SKAP2: variants seen among roughly 807,000 people sequenced by gnomAD.
SKAP2 encodes the protein src kinase associated phosphoprotein 2, also known as src kinase-associated phosphoprotein 2.
A neutral mutation model predicts 54.9 loss-of-function variants in SKAP2; 28 were observed. The ratio of observed to expected loss-of-function variants is 0.51; its 90% CI spans 0.38 to 0.70. SKAP2 has a LOEUF of 0.70. Among genes scored for constraint, SKAP2 ranks in the 30% least tolerant of loss-of-function variants. SKAP2 has a pLI of 0.00. For synonymous variants in SKAP2, 137 were observed against 134.3 expected (o/e 1.02, Z -0.14); for missense variants, 356 against 424.1 (o/e 0.84, Z 1.41).
chr7:26,730,656 T>A (rs1357722969), intron 6 of SKAP2, among the ~76,000 whole-genome samples: 1 of 152,192 alleles, frequency 6.6e-6, no homozygotes, highest in African/African-American at 2.4e-5. Flanking sequence ...GCTGTTTGAA[T>A]GTAATGTCTA....
intron 1 of SKAP2, among the ~76,000 whole-genome samples, chr7:26,864,055 T>TCACACACATACA (rs1554310127): frequency 7.0e-6 from 1 of 143,332 alleles, no homozygotes; most frequent in South Asian, 2.3e-4. Context: ...CGCCCTTCTG[T>TCACACACATACA]CACACACACA....
At chr7:26,773,051 T>C (rs1197630820) in intron 4 of SKAP2, among the ~76,000 whole-genome samples, 1 of 152,140 alleles carries the variant, frequency 6.6e-6, no homozygotes, top group Non-Finnish European at 1.5e-5. Context: ...AAGATGAAGA[T>C]GATATTTTCC....
intron 11 of SKAP2, among the ~76,000 whole-genome samples, chr7:26,678,696 C>A (rs1786414637): frequency 1.3e-5 from 2 of 152,118 alleles, no homozygotes. Flanking sequence ...CTGCCTCGGC[C>A]TCCCAAAGTG....
rs1784875116 is a variant in SKAP2, at chr7:26,844,124, A to G, written c.213T>C (p.Asp71=). ...CAAAAGGGTCATCATATTCTTCCCC[A>G]TCTTCTGCATCACCTGTTAAAAAAA... The part of the protein sequence containing the change: ...QEFQDKGDAE[D]GEEYDDPFAG... Residue 71 remains aspartate, a synonymous_variant, in exon 4 of 13, where the codon GAT becomes GAC. Transcript: ENST00000345317. 1 of 1,600,878 alleles carries G rather than the reference A, an allele frequency of 6.2e-7. No homozygotes were observed. The highest frequency in any genetic ancestry group is 8.5e-7 in the Non-Finnish European group (1 of 1,170,376).
At chr7:26,719,203 T>C (rs745701506) in intron 9 of SKAP2, among the ~76,000 whole-genome samples, 6 of 151,932 alleles carry the variant, frequency 3.9e-5, no homozygotes, top group Non-Finnish European at 7.4e-5. Flanking sequence ...ATCTAAGATT[T>C]AGCAATAATG....
chr7:26,655,061 T>C, the SKAP2 span, among the ~76,000 whole-genome samples: 1 of 152,168 alleles, frequency 6.6e-6, no homozygotes, highest in East Asian at 1.9e-4. Context: ...ATCCTGTGCC[T>C]ACTATTGCTC....
In SKAP2 at chr7:26,710,327, T is replaced by C. The variant is rs533236493; in HGVS notation, c.796+15101A>G. Among the ~76,000 whole-genome samples, 70 of 152,274 alleles carry C rather than the reference T, an allele frequency of 4.6e-4. 1 individual carries two copies. In the South Asian group the frequency reaches 0.014, roughly 31 times the overall value. ...GTTAAGATTTACAGAATAGCACATA[T>C]CAACATTTAAAATGTCACGAAGTTG... is the stretch of plus-strand genomic sequence containing the variant. On this transcript the variant is annotated intron_variant, in intron 9 of 12. Coordinates refer to ENST00000345317, the MANE Select transcript of SKAP2 (RefSeq NM_003930.5).
At chr7:26,785,331 C>CAT (rs1432777533) in intron 4 of SKAP2, among the ~76,000 whole-genome samples, 1 of 152,022 alleles carries the variant, frequency 6.6e-6, no homozygotes, top group Non-Finnish European at 1.5e-5. Context: ...GGACTACAGG[C>CAT]GCCCGCCACC....
chr7:26,752,125 G>C (rs1782699456), intron 4 of SKAP2, among the ~76,000 whole-genome samples: 1 of 152,102 alleles, frequency 6.6e-6, no homozygotes, highest in Non-Finnish European at 1.5e-5. Context: ...GAACTACAAA[G>C]TCATTTACAC....
intron 3 of SKAP2, among the ~76,000 whole-genome samples, chr7:26,850,437 C>G (rs1352009489): frequency 2.0e-5 from 3 of 151,714 alleles, no homozygotes; most frequent in Non-Finnish European, 4.4e-5. Context: ...AATACACAGG[C>G]AGCGTACCTA....
intron 6 of SKAP2, among the ~76,000 whole-genome samples, chr7:26,735,769 A>G (rs893411954): frequency 2.0e-5 from 3 of 152,208 alleles, no homozygotes; most frequent in Non-Finnish European, 4.4e-5. Flanking sequence ...ATTTCACAAA[A>G]GAAAAAAATT....
chr7:26,699,188 C>G (rs1786967995), intron 9 of SKAP2, among the ~76,000 whole-genome samples: 2 of 152,176 alleles, frequency 1.3e-5, no homozygotes, highest in Non-Finnish European at 2.9e-5. Context: ...CTTGTCGCGT[C>G]TGGGTACAAT....
At chr7:26,750,122 C>T (rs1174999502) in intron 4 of SKAP2, among the ~76,000 whole-genome samples, 1 of 151,984 alleles carries the variant, frequency 6.6e-6, no homozygotes, top group Non-Finnish European at 1.5e-5. Context: ...ATGCTATGTT[C>T]CACTGCTGAT....
At chr7:26,664,755 A>C (rs2128081967), downstream of SKAP2, among the ~76,000 whole-genome samples, 1 of 151,544 alleles carries the variant, frequency 6.6e-6, no homozygotes, top group Non-Finnish European at 1.5e-5. Context: ...AAGAGGAGAG[A>C]AACCTAGGGA....
intron 4 of SKAP2, among the ~76,000 whole-genome samples, chr7:26,765,043 A>G (rs1301755160): frequency 1.3e-5 from 2 of 152,204 alleles, no homozygotes; most frequent in Non-Finnish European, 2.9e-5. Flanking sequence ...TAGATCCTTG[A>G]GAAATCACCA....
At chr7:26,855,053 T>A in intron 1 of SKAP2, 163 bp from the exon 2 acceptor site, 1 of 498,374 alleles carries the variant, frequency 2.0e-6, no homozygotes, top group African/African-American at 1.9e-5. Context: ...GTGTTTCAAA[T>A]ACTAAGTTGA....
intron 6 of SKAP2, among the ~76,000 whole-genome samples, chr7:26,733,031 T>A (rs1189133689): frequency 6.6e-6 from 1 of 151,964 alleles, no homozygotes; most frequent in Non-Finnish European, 1.5e-5. Context: ...CTCAGGAGGC[T>A]GAGGCAGAAG....
intron 9 of SKAP2, among the ~76,000 whole-genome samples, chr7:26,700,145 G>C (rs1426996973): frequency 6.6e-6 from 1 of 152,070 alleles, no homozygotes; most frequent in Admixed American, 6.6e-5. Context: ...AAAGCCCTAA[G>C]GTATTCATAA....
chr7:26,737,888 C>A (rs1228172758), intron 6 of SKAP2, among the ~76,000 whole-genome samples: 2 of 152,124 alleles, frequency 1.3e-5, no homozygotes, highest in Admixed American at 1.3e-4. Flanking sequence ...CCTATTATTT[C>A]TAAATTAATG....
Sources: gnomAD v4.1 joint callset for allele counts (sites outside exome capture counted in the v4.1 genomes callset) on GRCh38, gnomAD v4.1.1 for gene constraint, MANE v1.5 for transcripts, NCBI Gene and HGNC (gene_info 2026-07-23, HGNC 2026-07-21) for gene names.